Variants in NFATC1 observed in about 807,000 individuals in gnomAD.
NFATC1 encodes the protein nuclear factor of activated T-cells, cytoplasmic 1.
In NFATC1, 22 loss-of-function variants were observed where a neutral mutation model predicts 76.0. The observed-to-expected ratio is 0.29, with a 90% CI of 0.21 to 0.41. The LOEUF (loss-of-function observed/expected upper bound fraction) is 0.41, where lower values mean the gene tolerates loss of function less well. Ranked by LOEUF, NFATC1 falls within the 10% of genes least tolerant of loss-of-function variation. The pLI, the probability that NFATC1 is intolerant of heterozygous loss-of-function variation, is 1.00. For synonymous variants in NFATC1, 704 were observed against 613.1 expected (o/e 1.15, Z -2.19); for missense variants, 1,357 against 1,337.7 (o/e 1.01, Z -0.23).
At chr18:79,408,340 C>T (rs1011759017) in intron 1 of NFATC1, among the ~76,000 whole-genome samples, 1 of 152,194 alleles carries the variant, frequency 6.6e-6, no homozygotes, top group Non-Finnish European at 1.5e-5. Flanking sequence ...CCTGGGAATA[C>T]CCACCTCTAG....
rs184823992 is a variant in NFATC1, at chr18:79,511,156, G to T, written c.2783-16372G>T. Among the ~76,000 whole-genome samples the T allele has an allele frequency of 3.3e-5, 5 of 152,348 alleles. No homozygotes were observed. In the East Asian group the frequency reaches 9.6e-4, roughly 29 times the overall value. On this transcript the variant is annotated intron_variant, in intron 9 of 9. Transcript: ENST00000427363. ...CTGCCGCACCGCTCCGTGGCACCCG[G>T]CTCGCTGTGATGAATTGCTCATTAT...
intron 7 of NFATC1, among the ~76,000 whole-genome samples, chr18:79,464,206 C>G (rs1234775601): frequency 3.9e-5 from 6 of 152,184 alleles, no homozygotes; most frequent in African/African-American, 1.2e-4. Flanking sequence ...TCTCATGCCT[C>G]AGTCTCCCGA....
chr18:79,441,286 C>T (rs897229966), intron 3 of NFATC1, among the ~76,000 whole-genome samples: 7 of 152,160 alleles, frequency 4.6e-5, no homozygotes, highest in Non-Finnish European at 2.9e-5. Flanking sequence ...CAGGATTCCT[C>T]GGGCCCTTCA....
chr18:79,476,782 C>T (rs563465160), intron 8 of NFATC1, among the ~76,000 whole-genome samples: 41 of 152,360 alleles, frequency 2.7e-4, no homozygotes, highest in Non-Finnish European at 2.8e-4. Context: ...GGGTTAGCCA[C>T]GGTTGTCAGC....
In NFATC1 at chr18:79,528,771, G is replaced by A. The variant is rs1024718942; in HGVS notation, c.*1194G>A. Reference sequence around the variant, plus strand: ...ACTTTAATGCTCAGCCCTGCGTTGTGTGTTTTCAGATGAGTTACTGTTAAC... The same window carrying A: ...ACTTTAATGCTCAGCCCTGCGTTGTATGTTTTCAGATGAGTTACTGTTAAC... On this transcript the variant is annotated 3_prime_UTR_variant, in exon 10 of 10. Transcript: ENST00000427363. The A allele has an allele frequency of 2.6e-5, 4 of 152,430 alleles. No homozygotes were observed. The highest frequency in any genetic ancestry group is 5.9e-5 in the Non-Finnish European group (4 of 68,050). 9.4% of individuals were successfully genotyped at this position (152,430 alleles called of 1,614,324 possible). A position where few individuals can be genotyped will look rare whatever the true frequency, so the allele number is the denominator to read the frequency against.
intron 8 of NFATC1, chr18:79,468,076 G>T: frequency 1.2e-6 from 1 of 835,948 alleles, no homozygotes; most frequent in Non-Finnish European, 1.4e-6. Flanking sequence ...TTCTCCAGGG[G>T]TAACTTCATC....
At chr18:79,481,225 A>G (rs1446883547) in intron 8 of NFATC1, among the ~76,000 whole-genome samples, 1 of 152,214 alleles carries the variant, frequency 6.6e-6, no homozygotes, top group Non-Finnish European at 1.5e-5. Context: ...AACAGCAGGA[A>G]GGGGCAGTTC....
intron 9 of NFATC1, among the ~76,000 whole-genome samples, chr18:79,521,304 G>A (rs1215709795): frequency 3.5e-5 from 3 of 85,828 alleles, no homozygotes; most frequent in Non-Finnish European, 2.3e-5. Flanking sequence ...TGTGGGGGGG[G>A]GCGTCTCCTG....
chr18:79,419,220 G>A (rs1480870160), intron 2 of NFATC1, among the ~76,000 whole-genome samples: 1 of 152,160 alleles, frequency 6.6e-6, no homozygotes, highest in Non-Finnish European at 1.5e-5. Context: ...ACAGAGTCTT[G>A]CCGTGTTGTC....
chr18:79,486,931 G>C lies in NFATC1; in HGVS notation c.2776G>C (p.Asp926His). 2 of 1,591,692 alleles carry C rather than the reference G, an allele frequency of 1.3e-6. No homozygotes were observed. Among genetic ancestry groups the C allele is most frequent in the Non-Finnish European group, 1.7e-6 (2 of 1,166,324 alleles). ...EPEELDQLYL[D>H]DVNEIIRNDL... is the part of the protein sequence containing the mutation. ...TGAAGAGTTGGACCAGTTGTACCTG[G>C]ATGACGGTGAGTGCCCGCAGCCATG... is the stretch of plus-strand genomic sequence containing the variant. Residue 926 changes from aspartate (D) to histidine (H), a missense_variant, in exon 9 of 10, where the codon GAT becomes CAT. Coordinates refer to ENST00000427363, the MANE Select transcript of NFATC1 (RefSeq NM_001278669.2).
At chr18:79,463,287 C>G (rs943019705) in intron 7 of NFATC1, among the ~76,000 whole-genome samples, 2 of 152,190 alleles carry the variant, frequency 1.3e-5, no homozygotes, top group Non-Finnish European at 2.9e-5. Context: ...AGCTGGAGGC[C>G]CCAGGGCAGG....
rs988729171 is a variant in NFATC1 at position 79,435,225 on chromosome 18, G to A, written c.1386+1487G>A. Among the ~76,000 whole-genome samples the A allele has an allele frequency of 3.3e-5, 5 of 152,300 alleles. No individual in the cohort carries two copies. The East Asian group carries it at 5.8e-4, about 18-fold the overall frequency. On this transcript the variant is annotated intron_variant, in intron 3 of 9. Transcript: ENST00000427363. ...TATGTCGGTGAGGGGCACTGACGTC[G>A]CCCTTTTCACTGTATCTGGATGAGG...
At chr18:79,433,076 CT>C (rs2086655013) in intron 2 of NFATC1, among the ~76,000 whole-genome samples, 1 of 152,228 alleles carries the variant, frequency 6.6e-6, no homozygotes, top group Admixed American at 6.5e-5. Context: ...TCAGGGCCTT[CT>C]GTTTGTCTTG....
intron 6 of NFATC1, among the ~76,000 whole-genome samples, chr18:79,461,019 C>A (rs2088041673): frequency 6.6e-6 from 1 of 152,226 alleles, no homozygotes; most frequent in Non-Finnish European, 1.5e-5. Context: ...TGAGGATGCC[C>A]CTGCCCTGTA....
At chr18:79,508,703 C>T (rs1259447522) in intron 9 of NFATC1, among the ~76,000 whole-genome samples, 4 of 151,920 alleles carry the variant, frequency 2.6e-5, no homozygotes, top group Non-Finnish European at 4.4e-5. Context: ...CTCTTTGTCT[C>T]CCTCCGTCTC....
chr18:79,438,487 C>A (rs542572264), intron 3 of NFATC1, among the ~76,000 whole-genome samples: 2 of 152,356 alleles, frequency 1.3e-5, no homozygotes, highest in Admixed American at 6.5e-5. Context: ...GGTCTGTTTA[C>A]CAAGTCACCA....
In NFATC1 at chr18:79,486,890, C is replaced by T. The variant is rs201739424; in HGVS notation, c.2735C>T (p.Thr912Met). The change falls in exon 9 of 10, where the codon ACG (threonine) becomes ATG (methionine). Residue 912 changes from threonine to methionine, a missense_variant. Physicochemically the swap from Thr to Met is moderately conservative, Grantham distance 81 (BLOSUM62 -1). Around this residue, in one of 3 missense-constraint regions of NFATC1, gnomAD observed 424 missense variants for 395.4 expected, o/e 1.07. Transcript: ENST00000427363. ...CCTAATTTGGCCCCTATTCCTGTAA[C>T]GGTCAAGCGAGAGCCTGAAGAGTTG... ...GSPNLAPIPV[T>M]VKREPEELDQ... is the part of the protein sequence containing the mutation. The T allele has an allele frequency of 5.5e-5, 88 of 1,609,360 alleles. No individual in the cohort carries two copies. In the East Asian group the frequency reaches 1.4e-3, roughly 26 times the overall value.
chr18:79,400,650 A>G (rs1483294335), intron 1 of NFATC1, among the ~76,000 whole-genome samples: 1 of 146,914 alleles, frequency 6.8e-6, no homozygotes. Context: ...CTGGGCTCGG[A>G]TGCGGTTCCT....
At chr18:79,479,816 G>A (rs566059984) in intron 8 of NFATC1, among the ~76,000 whole-genome samples, 6 of 152,358 alleles carry the variant, frequency 3.9e-5, no homozygotes, top group Admixed American at 3.3e-4. Flanking sequence ...TGCCCCTTAG[G>A]GCAAGGACAG....
Sources: gnomAD v4.1 joint callset for allele counts (sites outside exome capture counted in the v4.1 genomes callset) on GRCh38, gnomAD v4.1.1 for gene constraint, gnomAD v4.1.1 regional missense constraint, MANE v1.5 for transcripts, NCBI Gene and HGNC (gene_info 2026-07-23, HGNC 2026-07-21) for gene names.